The following ATRNL1 variants were observed in gnomAD, a reference collection of about 807,000 sequenced individuals.
The protein encoded by ATRNL1 is attractin like 1, also known as attractin-like protein 1.
ATRNL1 carries 95 observed loss-of-function variants against 182.7 expected under a neutral mutation model. That is an observed-to-expected ratio of 0.52 (90% confidence interval 0.44 to 0.62). The LOEUF (loss-of-function observed/expected upper bound fraction) is 0.62, where lower values mean the gene tolerates loss of function less well. ATRNL1 is among the 20% of genes least tolerant of loss of function. The pLI is 0.00. For synonymous variants in ATRNL1, 576 were observed against 568.3 expected (o/e 1.01, Z -0.19); for missense variants, 1,471 against 1,679.5 (o/e 0.88, Z 2.17).
intron 28 of ATRNL1, among the ~76,000 whole-genome samples, chr10:115,938,308 T>TG (rs1358748019): frequency 6.6e-6 from 1 of 152,234 alleles, no homozygotes; most frequent in Admixed American, 6.5e-5. Flanking sequence ...ACTAAATTCC[T>TG]GATGTTTCTC....
chr10:115,270,295 ATATATTTGTTTATATATT>A, intron 13 of ATRNL1, among the ~76,000 whole-genome samples: 1 of 145,274 alleles, frequency 6.9e-6, no homozygotes, highest in South Asian at 2.1e-4. Context: ...ACATTTGTTT[ATATATTTGTTTATATATT>A]ATATATAAAT....
chr10:115,195,617 G>T (rs1418687179), intron 8 of ATRNL1, among the ~76,000 whole-genome samples: 1 of 151,890 alleles, frequency 6.6e-6, no homozygotes, highest in Non-Finnish European at 1.5e-5. Flanking sequence ...TATATTTGAG[G>T]TATCTGTTGG....
At chr10:115,662,424 C>G (rs1555038252) in intron 26 of ATRNL1, among the ~76,000 whole-genome samples, 1 of 152,000 alleles carries the variant, frequency 6.6e-6, no homozygotes, top group Non-Finnish European at 1.5e-5. Flanking sequence ...GGATCTAGAA[C>G]TAGAAATACC....
rs143361062 is a variant in ATRNL1, at chr10:115,798,695, C to A, written c.3904-49182C>A. On this transcript the variant is annotated intron_variant, in intron 27 of 28. Coordinates refer to ENST00000355044, the MANE Select transcript of ATRNL1 (RefSeq NM_207303.4). ...CTAACTTTTCATTCCAATTTCAACT[C>A]CAATGGAGTTCTTCTTGAAATGTTT... Among the ~76,000 whole-genome samples, 571 of 152,288 alleles carry A rather than the reference C, an allele frequency of 3.7e-3. 12 individuals carry two copies. Among genetic ancestry groups the A allele is most frequent in the Admixed American group, 0.033 (510 of 15,286 alleles).
intron 27 of ATRNL1, among the ~76,000 whole-genome samples, chr10:115,738,143 T>G (rs1172978258): frequency 1.8e-5 from 2 of 108,170 alleles, no homozygotes; most frequent in Non-Finnish European, 3.9e-5. Flanking sequence ...TTTTTTTTTT[T>G]TTTTTTTTTT....
At chr10:115,364,624 A>T (rs1423509946) in intron 19 of ATRNL1, among the ~76,000 whole-genome samples, 8 of 150,290 alleles carry the variant, frequency 5.3e-5, no homozygotes, top group African/African-American at 9.9e-5. Context: ...GCTTCCAGTT[A>T]TTGCCCATTC....
chr10:115,534,721 G>T (rs1288825041), intron 25 of ATRNL1, among the ~76,000 whole-genome samples: 1 of 151,708 alleles, frequency 6.6e-6, no homozygotes, highest in Non-Finnish European at 1.5e-5. Context: ...TTACATTTTG[G>T]CATGATTTTG....
intron 1 of ATRNL1, among the ~76,000 whole-genome samples, chr10:115,106,842 A>C (rs1452710196): frequency 3.3e-5 from 5 of 152,080 alleles, no homozygotes; most frequent in Non-Finnish European, 7.4e-5. Flanking sequence ...CAGTGTGAAA[A>C]TGGACTAATA....
chr10:115,141,804 T>A (rs1405095297), intron 5 of ATRNL1, among the ~76,000 whole-genome samples: 1 of 152,132 alleles, frequency 6.6e-6, no homozygotes, highest in African/African-American at 2.4e-5. Flanking sequence ...TTCTTCCCAC[T>A]TAGCAAAAAC....
chr10:115,336,282 C>T (rs1855477918), intron 19 of ATRNL1, among the ~76,000 whole-genome samples: 1 of 152,160 alleles, frequency 6.6e-6, no homozygotes, highest in African/African-American at 2.4e-5. Flanking sequence ...CACCTAAAAG[C>T]CACAGCTTAG....
At chr10:115,543,026 G>T (rs879946704) in intron 25 of ATRNL1, among the ~76,000 whole-genome samples, 3 of 152,150 alleles carry the variant, frequency 2.0e-5, no homozygotes, top group African/African-American at 7.2e-5. Flanking sequence ...AGCCACACTG[G>T]GGGGTTAGGG....
intron 26 of ATRNL1, among the ~76,000 whole-genome samples, chr10:115,714,793 T>G (rs1336884137): frequency 6.6e-6 from 1 of 151,736 alleles, no homozygotes; most frequent in Admixed American, 6.6e-5. Context: ...TTTAGATATT[T>G]ATGGGAAAAT....
At chr10:115,494,746 A>AT (rs1334257989) in intron 24 of ATRNL1, among the ~76,000 whole-genome samples, 20 of 152,190 alleles carry the variant, frequency 1.3e-4, no homozygotes, top group Admixed American at 5.2e-4. Flanking sequence ...CTTTGCTAGT[A>AT]TTTTTTTGAG....
At chr10:115,612,535 G>T (rs782185341) in intron 26 of ATRNL1, among the ~76,000 whole-genome samples, 1 of 152,208 alleles carries the variant, frequency 6.6e-6, no homozygotes, top group Admixed American at 6.5e-5. Context: ...AAAAGTGAAC[G>T]TAATTCGTTT....
At chr10:115,713,705 C>CTATCTATCATCTATCT (rs1555055340) in intron 26 of ATRNL1, among the ~76,000 whole-genome samples, 1,260 of 101,088 alleles carry the variant, frequency 0.012, 4 homozygotes, top group South Asian at 0.015. Context: ...ATCTATCTAT[C>CTATCTATCATCTATCT]ATCTATCTAT....
At chr10:115,885,946 A>G (rs1249639507) in intron 28 of ATRNL1, among the ~76,000 whole-genome samples, 2 of 152,236 alleles carry the variant, frequency 1.3e-5, no homozygotes, top group African/African-American at 2.4e-5. Flanking sequence ...TCATGAAAAC[A>G]TGTTAAAGGT....
intron 18 of ATRNL1, among the ~76,000 whole-genome samples, chr10:115,324,085 T>C (rs1854741407): frequency 6.6e-6 from 1 of 152,188 alleles, no homozygotes; most frequent in Non-Finnish European, 1.5e-5. Flanking sequence ...CCTATTTTTA[T>C]CTTTTATGTG....
chr10:115,191,646 G>A (rs536054964), intron 8 of ATRNL1, among the ~76,000 whole-genome samples: 1 of 151,968 alleles, frequency 6.6e-6, no homozygotes, highest in Admixed American at 6.6e-5. Flanking sequence ...TCTCATTATA[G>A]TGAGTGAGTT....
chr10:115,558,907 C>G (rs1196400929), intron 26 of ATRNL1, among the ~76,000 whole-genome samples: 4 of 152,116 alleles, frequency 2.6e-5, no homozygotes, highest in Non-Finnish European at 5.9e-5. Context: ...TCTCATCCCC[C>G]CAGCTCCCTT....
Sources: allele counts gnomAD v4.1 joint callset (sites outside exome capture counted in the v4.1 genomes callset), GRCh38; gene constraint gnomAD v4.1.1; transcripts MANE v1.5; gene names NCBI Gene and HGNC (gene_info 2026-07-23, HGNC 2026-07-21).